Variants in NEK7 observed in about 807,000 individuals in gnomAD.
The protein encoded by NEK7 is NIMA related kinase 7.
In NEK7, 18 loss-of-function variants were observed where a neutral mutation model predicts 44.6. The observed-to-expected ratio is 0.40, with a 90% CI of 0.28 to 0.60. The LOEUF (loss-of-function observed/expected upper bound fraction) is 0.60, where lower values mean the gene tolerates loss of function less well. Among genes scored for constraint, NEK7 ranks in the 20% least tolerant of loss-of-function variants. The pLI is 0.38. For synonymous variants in NEK7, 130 were observed against 121.1 expected, an observed-to-expected ratio of 1.07 and a Z score of -0.48; for missense variants, 256 against 366.5, an observed-to-expected ratio of 0.70 and a Z score of 2.46.
chr1:198,158,004 A>G (rs1463563376), intron 1 of NEK7, among the ~76,000 whole-genome samples: 1 of 152,224 alleles, frequency 6.6e-6, no homozygotes, highest in Non-Finnish European at 1.5e-5. Flanking sequence ...GAACAGTGTA[A>G]GGAAGCGAGC....
intron 1 of NEK7, among the ~76,000 whole-genome samples, chr1:198,179,798 AGTGT>A (rs10554737): frequency 2.0e-5 from 3 of 150,698 alleles, no homozygotes; most frequent in East Asian, 1.9e-4. Flanking sequence ...GTTACACAGG[AGTGT>A]GTGTGTGTGT....
chr1:198,247,738 T>A (rs6675838), intron 2 of NEK7, among the ~76,000 whole-genome samples: 1 of 151,732 alleles, frequency 6.6e-6, no homozygotes, highest in Non-Finnish European at 1.5e-5. Context: ...AGAGAAAACA[T>A]TGGGTTTGAA....
At chr1:198,268,575 T>TC (rs1437088030) in intron 5 of NEK7, among the ~76,000 whole-genome samples, 1 of 151,984 alleles carries the variant, frequency 6.6e-6, no homozygotes, top group Non-Finnish European at 1.5e-5. Flanking sequence ...TAAATCCGTT[T>TC]CTCCATCAGT....
chr1:198,247,567 A>T (rs6428447), intron 2 of NEK7, among the ~76,000 whole-genome samples: 51,199 of 151,958 alleles, frequency 0.34, 9,867 homozygotes, highest in East Asian at 0.8. Flanking sequence ...TATCTTATGG[A>T]CCTATACTTA....
intron 2 of NEK7, among the ~76,000 whole-genome samples, chr1:198,236,317 A>G (rs936540432): frequency 4.6e-5 from 7 of 152,202 alleles, no homozygotes; most frequent in Non-Finnish European, 1.0e-4. Flanking sequence ...AAGTCTTTAC[A>G]GAAATTTAGA....
At chr1:198,191,648 CG>C (rs1234369606) in intron 1 of NEK7, among the ~76,000 whole-genome samples, 1 of 151,736 alleles carries the variant, frequency 6.6e-6, no homozygotes, top group East Asian at 1.9e-4. Context: ...ATTTGTTAGT[CG>C]TTTTTTTATA....
At chr1:198,313,050 C>G (rs1440069460) in intron 9 of NEK7, among the ~76,000 whole-genome samples, 1 of 151,610 alleles carries the variant, frequency 6.6e-6, no homozygotes, top group Non-Finnish European at 1.5e-5. Context: ...GTTAAAGTCT[C>G]CCATTATTAA....
intron 5 of NEK7, among the ~76,000 whole-genome samples, chr1:198,274,345 A>G (rs1653949741): frequency 6.6e-6 from 1 of 151,576 alleles, no homozygotes; most frequent in Admixed American, 6.6e-5. Flanking sequence ...CACAATTGCA[A>G]GTCCCTTTGT....
chr1:198,189,412 G>A (rs190636716), intron 1 of NEK7, among the ~76,000 whole-genome samples: 27 of 152,072 alleles, frequency 1.8e-4, no homozygotes, highest in African/African-American at 6.3e-4. Flanking sequence ...AACTCTGAGT[G>A]GTATGAACAG....
chr1:198,200,552 CTT>C (rs531448626), intron 1 of NEK7, among the ~76,000 whole-genome samples: 30 of 131,238 alleles, frequency 2.3e-4, no homozygotes, highest in Admixed American at 3.0e-4. Flanking sequence ...TTCTTTCTTT[CTT>C]TTTTTTTTTT....
chr1:198,300,875 AGTTTTC>A (rs1654862360), intron 9 of NEK7, among the ~76,000 whole-genome samples: 1 of 152,176 alleles, frequency 6.6e-6, no homozygotes, highest in Admixed American at 6.5e-5. Flanking sequence ...AGGATGTGAT[AGTTTTC>A]TTTTATTGAT....
chr1:198,230,177 C>T (rs1207810183), intron 1 of NEK7, among the ~76,000 whole-genome samples: 3 of 152,022 alleles, frequency 2.0e-5, no homozygotes, highest in Non-Finnish European at 4.4e-5. Context: ...CTTTTCTTTA[C>T]GGAATATCTT....
chr1:198,287,975 C>T (rs1017135218), intron 7 of NEK7, among the ~76,000 whole-genome samples: 1 of 152,168 alleles, frequency 6.6e-6, no homozygotes. Flanking sequence ...GTGTACAATT[C>T]GTGTTGCCCA....
intron 1 of NEK7, among the ~76,000 whole-genome samples, chr1:198,159,086 C>T (rs910760445): frequency 1.3e-5 from 2 of 152,176 alleles, no homozygotes; most frequent in Non-Finnish European, 2.9e-5. Context: ...GAGGACCCTC[C>T]CGGAGGTGCG....
intron 9 of NEK7, among the ~76,000 whole-genome samples, chr1:198,298,360 A>G (rs1270835475): frequency 6.6e-6 from 1 of 152,212 alleles, no homozygotes; most frequent in African/African-American, 2.4e-5. Flanking sequence ...CATGTAAAGC[A>G]TTTGTGTTCC....
chr1:198,224,515 C>T (rs1666155627), intron 1 of NEK7, among the ~76,000 whole-genome samples: 1 of 151,996 alleles, frequency 6.6e-6, no homozygotes, highest in African/African-American at 2.4e-5. Context: ...CAACATACGT[C>T]TGTACTTCAA....
At chr1:198,311,740 T>G (rs1271303295) in intron 9 of NEK7, among the ~76,000 whole-genome samples, 2 of 152,354 alleles carry the variant, frequency 1.3e-5, no homozygotes, top group East Asian at 1.9e-4. Flanking sequence ...TGGATTACAT[T>G]GATTGATTTG....
intron 9 of NEK7, among the ~76,000 whole-genome samples, chr1:198,305,540 A>T (rs1251337426): frequency 1.3e-5 from 2 of 152,120 alleles, no homozygotes; most frequent in African/African-American, 4.8e-5. Context: ...GTCACTATGT[A>T]AGTTTGTAAT....
intron 1 of NEK7, among the ~76,000 whole-genome samples, chr1:198,176,427 T>C (rs1174333336): frequency 6.6e-6 from 1 of 152,130 alleles, no homozygotes; most frequent in Non-Finnish European, 1.5e-5. Flanking sequence ...TTAAATAACT[T>C]GGCATTTGGA....
Sources: gnomAD v4.1 joint callset for allele counts (sites outside exome capture counted in the v4.1 genomes callset) on GRCh38, gnomAD v4.1.1 for gene constraint, MANE v1.5 for transcripts, NCBI Gene and HGNC (gene_info 2026-07-23, HGNC 2026-07-21) for gene names.